The following PRKG1 variants were observed in gnomAD, a reference collection of about 807,000 sequenced individuals.
The protein encoded by PRKG1 is cGMP-dependent protein kinase 1.
In PRKG1, 35 loss-of-function variants were observed where a neutral mutation model predicts 88.1. That is an observed-to-expected ratio of 0.40 (90% CI 0.30 to 0.53). PRKG1 has a LOEUF of 0.53. PRKG1 is among the 20% of genes least tolerant of loss of function. PRKG1 has a pLI of 0.59. For missense variants in PRKG1, 540 were observed against 839.8 expected, an observed-to-expected ratio of 0.64 and a Z score of 4.41; for synonymous variants, 303 against 292.5, an observed-to-expected ratio of 1.04 and a Z score of -0.37.
chr10:51,550,653 G>T lies in PRKG1; in HGVS notation c.592+82817G>T, dbSNP rs183242159. On this transcript the variant is annotated intron_variant, in intron 3 of 17. Transcript: ENST00000373980. ...CTCATCAAATTAGTAGATCATATTT[G>T]GAATGGCCTTACTTAAAAGATAGGT... is the stretch of plus-strand genomic sequence containing the variant. Among the ~76,000 whole-genome samples the T allele has an allele frequency of 6.2e-4, 94 of 151,922 alleles. No individual in the cohort carries two copies. In the East Asian group the frequency reaches 0.017, roughly 27 times the overall value.
chr10:51,884,444 CAAAAAAAAAAAA>C (rs57229967), intron 4 of PRKG1, among the ~76,000 whole-genome samples: 5 of 70,034 alleles, frequency 7.1e-5, no homozygotes, highest in South Asian at 1.6e-3. Flanking sequence ...AACTCCGTCT[CAAAAAAAAAAAA>C]AAAAAAAAAA....
intron 1 of PRKG1, among the ~76,000 whole-genome samples, chr10:51,037,314 A>G (rs555502418): frequency 1.3e-5 from 2 of 151,920 alleles, no homozygotes; most frequent in South Asian, 4.2e-4. Context: ...ATAAAAAAAT[A>G]AAAAATTAGT....
rs1003381513 is a variant in PRKG1, at chr10:51,605,301, G to A, written c.592+137465G>A. Among the ~76,000 whole-genome samples, 4 of 152,160 alleles carry A rather than the reference G, an allele frequency of 2.6e-5. No individual in the cohort carries two copies. In the East Asian group the frequency reaches 5.8e-4, roughly 22 times the overall value. On this transcript the variant is annotated intron_variant, in intron 3 of 17. Transcript: ENST00000373980. ...AATGCAACATTTGGGCATGAAAACA[G>A]GAGTTCCTGTTCTCACTTAGGTCCG...
At chr10:51,848,590 GATC>G (rs1178870845) in intron 4 of PRKG1, among the ~76,000 whole-genome samples, 2 of 151,754 alleles carry the variant, frequency 1.3e-5, no homozygotes, top group Non-Finnish European at 2.9e-5. Flanking sequence ...AGAGACAGAA[GATC>G]ATCAGGGAGT....
intron 3 of PRKG1, among the ~76,000 whole-genome samples, chr10:51,493,851 G>A (rs1307991919): frequency 6.6e-6 from 1 of 152,096 alleles, no homozygotes; most frequent in Non-Finnish European, 1.5e-5. Context: ...ATGGTCCATT[G>A]TGAGAAAACT....
rs527557267 is a variant in PRKG1 at position 51,505,771 on chromosome 10, G to C, written c.592+37935G>C. ...GTTTATTTGCATAGAGGTGTTTATA[G>C]TATTCTCTGATGGTAGTTTGTATTT... On this transcript the variant is annotated intron_variant, in intron 3 of 17. Transcript: ENST00000373980. Among the ~76,000 whole-genome samples, 30 of 152,244 alleles carry C rather than the reference G, an allele frequency of 2.0e-4. No individual in the cohort carries two copies. The South Asian group carries it at 6.0e-3, about 30-fold the overall frequency.
At chr10:51,201,410 C>T (rs1489423076) in intron 2 of PRKG1, among the ~76,000 whole-genome samples, 1 of 152,122 alleles carries the variant, frequency 6.6e-6, no homozygotes, top group African/African-American at 2.4e-5. Flanking sequence ...CGAGATTGTG[C>T]CGTCACACTC....
chr10:52,166,451 T>TTTTA, intron 9 of PRKG1, among the ~76,000 whole-genome samples: 1 of 116,628 alleles, frequency 8.6e-6, no homozygotes, highest in Non-Finnish European at 2.0e-5. Flanking sequence ...TTTTTTTTTT[T>TTTTA]GAGACGGAGT....
intron 3 of PRKG1, among the ~76,000 whole-genome samples, chr10:51,733,548 A>G (rs1432056277): frequency 6.6e-6 from 1 of 152,212 alleles, no homozygotes; most frequent in Non-Finnish European, 1.5e-5. Flanking sequence ...AAAAGCAAGT[A>G]AGTGATCACT....
chr10:51,685,795 G>A (rs552556545), intron 3 of PRKG1, among the ~76,000 whole-genome samples: 1 of 152,270 alleles, frequency 6.6e-6, no homozygotes, highest in Admixed American at 6.5e-5. Flanking sequence ...GATCATATAT[G>A]TGGAGTAAGT....
chr10:51,119,164 T>C (rs940460078), intron 1 of PRKG1, among the ~76,000 whole-genome samples: 2 of 152,104 alleles, frequency 1.3e-5, no homozygotes, highest in Non-Finnish European at 2.9e-5. Context: ...TTGTAACATA[T>C]AGGCTATGGT....
At chr10:52,231,523 T>G (rs929256104) in intron 9 of PRKG1, 13 of 152,162 alleles carry the variant, frequency 8.5e-5, no homozygotes, top group Non-Finnish European at 1.6e-4. Context: ...CCGTAATACT[T>G]AGGGCTTAGA....
intron 3 of PRKG1, among the ~76,000 whole-genome samples, chr10:51,741,213 T>A (rs1837425665): frequency 6.6e-6 from 1 of 152,150 alleles, no homozygotes; most frequent in African/African-American, 2.4e-5. Flanking sequence ...AAAATATACA[T>A]TTTAATGCAT....
intron 5 of PRKG1, among the ~76,000 whole-genome samples, chr10:51,918,156 G>A (rs1312366977): frequency 3.3e-5 from 5 of 152,046 alleles, no homozygotes; most frequent in Admixed American, 2.0e-4. Flanking sequence ...ATAACACAGC[G>A]AATTAAATGG....
At chr10:51,485,219 T>C (rs1451852501) in intron 3 of PRKG1, among the ~76,000 whole-genome samples, 1 of 152,204 alleles carries the variant, frequency 6.6e-6, no homozygotes, top group East Asian at 1.9e-4. Flanking sequence ...AGTGTCCTGG[T>C]TATCCTCTTT....
intron 4 of PRKG1, among the ~76,000 whole-genome samples, chr10:51,880,084 A>G (rs1008491074): frequency 6.6e-6 from 1 of 152,240 alleles, no homozygotes; most frequent in African/African-American, 2.4e-5. Context: ...TTTACATCAG[A>G]AAGAGATACC....
intron 3 of PRKG1, among the ~76,000 whole-genome samples, chr10:51,750,805 C>T (rs940061017): frequency 3.3e-5 from 5 of 152,032 alleles, no homozygotes; most frequent in East Asian, 1.9e-4. Flanking sequence ...AAACTATATA[C>T]GTAAGTTGTA....
At chr10:51,757,283 T>C (rs1474859221) in intron 3 of PRKG1, among the ~76,000 whole-genome samples, 2 of 152,056 alleles carry the variant, frequency 1.3e-5, no homozygotes, top group Non-Finnish European at 1.5e-5. Flanking sequence ...TTTGTATTTT[T>C]AGTAGAGAGA....
At chr10:52,146,567 A>G (rs1420101344) in intron 8 of PRKG1, among the ~76,000 whole-genome samples, 1 of 152,216 alleles carries the variant, frequency 6.6e-6, no homozygotes, top group African/African-American at 2.4e-5. Flanking sequence ...ACAGCTTGTA[A>G]GTAAAGAAAT....
Sources: gnomAD v4.1 joint callset for allele counts (sites outside exome capture counted in the v4.1 genomes callset) on GRCh38, gnomAD v4.1.1 for gene constraint, MANE v1.5 for transcripts, NCBI Gene and HGNC (gene_info 2026-07-23, HGNC 2026-07-21) for gene names.